EXD3: variants seen among roughly 807,000 people sequenced by gnomAD.
EXD3 encodes the protein exonuclease 3'-5' domain containing 3.
A neutral mutation model predicts 98.0 loss-of-function variants in EXD3; 92 were observed. The observed-to-expected ratio is 0.94, with a 90% confidence interval of 0.79 to 1.12. The LOEUF (loss-of-function observed/expected upper bound fraction) is 1.12. Among genes scored for constraint, EXD3 ranks in the 50% most tolerant of loss-of-function variants. The probability of loss-of-function intolerance (pLI) is 0.00; values close to 1 mark genes in which losing one functional copy is unlikely to be tolerated. For missense variants in EXD3, 1,222 were observed against 1,191.6 expected, an observed-to-expected ratio of 1.03 and a Z score of -0.38; for synonymous variants, 569 against 526.0, an observed-to-expected ratio of 1.08 and a Z score of -1.12.
chr9:137,352,035 C>T (rs747338916), intron 12 of EXD3, 31 bp downstream of exon 12: 149 of 1,586,136 alleles, frequency 9.4e-5, no homozygotes, highest in Non-Finnish European at 1.2e-4. Context: ...ATCCCACCAC[C>T]GGGCGCTGCC....
At chr9:137,330,508 G>C (rs1832997173) in intron 17 of EXD3, among the ~76,000 whole-genome samples, 1 of 144,518 alleles carries the variant, frequency 6.9e-6, no homozygotes, top group Non-Finnish European at 1.5e-5. Context: ...AGCTACACAG[G>C]ACTACGCAGG....
chr9:137,408,701 GCCT>G (rs1364182582), intron 1 of EXD3, among the ~76,000 whole-genome samples: 2 of 152,116 alleles, frequency 1.3e-5, no homozygotes, highest in Non-Finnish European at 2.9e-5. Context: ...GAGACTGGGG[GCCT>G]TTTATCTGCG....
chr9:137,422,279 A>C (rs1455194080), intron 1 of EXD3, among the ~76,000 whole-genome samples: 1 of 152,192 alleles, frequency 6.6e-6, no homozygotes, highest in Non-Finnish European at 1.5e-5. Flanking sequence ...AAAGGGGGGC[A>C]AATGAGAAAG....
At chr9:137,416,443 C>T (rs959222171) in intron 1 of EXD3, among the ~76,000 whole-genome samples, 1 of 152,220 alleles carries the variant, frequency 6.6e-6, no homozygotes, top group Non-Finnish European at 1.5e-5. Flanking sequence ...AGGGAGGGAC[C>T]GCCGGCAGCC....
chr9:137,363,752 G>A (rs1019867775), intron 7 of EXD3, among the ~76,000 whole-genome samples: 2 of 152,094 alleles, frequency 1.3e-5, no homozygotes, highest in Non-Finnish European at 2.9e-5. Context: ...TTACTTAATA[G>A]ATATATAGGA....
intron 7 of EXD3, among the ~76,000 whole-genome samples, chr9:137,364,385 G>T (rs1459231661): frequency 6.6e-6 from 1 of 152,116 alleles, no homozygotes; most frequent in African/African-American, 2.4e-5. Flanking sequence ...ACTTTGGGAG[G>T]CTGAGGTGGG....
chr9:137,337,506 C>T (rs1446111108), intron 17 of EXD3, among the ~76,000 whole-genome samples: 3 of 151,954 alleles, frequency 2.0e-5, no homozygotes, highest in Non-Finnish European at 2.9e-5. Flanking sequence ...CAAAAATTAG[C>T]CGGGTGTGGT....
At chr9:137,390,889 C>T (rs926537234) in intron 2 of EXD3, among the ~76,000 whole-genome samples, 2 of 152,224 alleles carry the variant, frequency 1.3e-5, no homozygotes, top group Non-Finnish European at 2.9e-5. Context: ...GGCCAGTGGA[C>T]GCTGAGGGCA....
chr9:137,317,353 C>G (rs542297743), intron 19 of EXD3, among the ~76,000 whole-genome samples: 1 of 152,162 alleles, frequency 6.6e-6, no homozygotes, highest in African/African-American at 2.4e-5. Flanking sequence ...CCTGGCACCC[C>G]GAGGACAGCC....
rs532947157 is a variant in EXD3 at position 137,395,709 on chromosome 9, G to A, written c.-47-305C>T. On this transcript the variant is annotated intron_variant, in intron 1 of 21. Transcript: ENST00000340951. The surrounding 1 kb of genome is among the most constrained non-coding windows in gnomAD (Gnocchi z 6.5). The stretch of plus-strand genomic sequence containing the variant: ...GACAGACCCTCGCGGGAGTGCAGAG[G>A]GGCCTGTTCTTGAGGACAGCGTGAC... Among the ~76,000 whole-genome samples, 121 of 152,270 alleles carry A rather than the reference G, an allele frequency of 7.9e-4. No individual in the cohort carries two copies. Among genetic ancestry groups the A allele is most frequent in the African/African-American group, 2.8e-3 (118 of 41,556 alleles).
chr9:137,311,560 C>G (rs1024747234), intron 19 of EXD3, among the ~76,000 whole-genome samples: 4 of 152,204 alleles, frequency 2.6e-5, no homozygotes, highest in Admixed American at 2.0e-4. Context: ...CCAGCCAGCT[C>G]GTGCTGAGTC....
Position 137,395,278 on chromosome 9 carries a change from T to A in EXD3, c.55+25A>T. 6.4e-7 allele frequency: 1 copy of A among 1,566,200 alleles called. No individual in the cohort carries two copies. Among genetic ancestry groups the A allele is most frequent in the African/African-American group, 1.4e-5 (1 of 72,050 alleles). On this transcript the variant is annotated intron_variant, in intron 2 of 21. Coordinates refer to ENST00000340951, the MANE Select transcript of EXD3 (RefSeq NM_017820.5). This position sits in a 1 kb window ranked among gnomAD's most constrained non-coding sequence, Gnocchi z 6.5. ...CCTCCCCCCACAGCCCCAGGGAGACTCGGCACCATCAGGCTCAGACTCACC... is the reference window on the plus strand; with the variant it reads ...CCTCCCCCCACAGCCCCAGGGAGACACGGCACCATCAGGCTCAGACTCACC...
At chr9:137,391,350 ATG>A (rs560776432) in intron 2 of EXD3, among the ~76,000 whole-genome samples, 1 of 152,272 alleles carries the variant, frequency 6.6e-6, no homozygotes, top group African/African-American at 2.4e-5. Context: ...TGGACGCTGG[ATG>A]TGAGGCTGGC....
intron 2 of EXD3, among the ~76,000 whole-genome samples, chr9:137,387,963 A>G (rs977060169): frequency 6.6e-6 from 1 of 152,204 alleles, no homozygotes; most frequent in Non-Finnish European, 1.5e-5. Context: ...GGACGCTGAG[A>G]CAGATGGCCC....
At position 137,379,495 on chromosome 9, in the gene EXD3, G is replaced by T. The variant is rs558185153; in HGVS notation, c.120+3818C>A. Among the ~76,000 whole-genome samples, 708 of 144,286 alleles carry T rather than the reference G, an allele frequency of 4.9e-3. 7 individuals carry two copies. The highest frequency in any genetic ancestry group is 0.017 in the African/African-American group (646 of 37,114). The allele number at this position is 144,286 out of a possible 152,430, so 94.7% of individuals were successfully genotyped here. ...AGGGGTACGGGGTTTGCGGGTGACG[G>T]TGACCGTTGCCTGGGGCCGAGGGGA... On this transcript the variant is annotated intron_variant, in intron 3 of 21. Transcript: ENST00000340951.
At chr9:137,397,695 C>T (rs1261507411) in intron 1 of EXD3, among the ~76,000 whole-genome samples, 1 of 152,016 alleles carries the variant, frequency 6.6e-6, no homozygotes, top group Non-Finnish European at 1.5e-5. Context: ...TCAAGGAGGC[C>T]GAGTGCAGTG....
chr9:137,422,112 TAAAA>T (rs35073810), intron 1 of EXD3, among the ~76,000 whole-genome samples: 6 of 119,504 alleles, frequency 5.0e-5, no homozygotes, highest in African/African-American at 9.3e-5. Context: ...GTGGTGTTCT[TAAAA>T]AAAAAAAAAA....
intron 3 of EXD3, among the ~76,000 whole-genome samples, chr9:137,382,406 G>A (rs1465555245): frequency 1.3e-5 from 2 of 151,766 alleles, no homozygotes; most frequent in Non-Finnish European, 2.9e-5. Context: ...CAGAGGGCGG[G>A]ACCCGGGGAG....
intron 5 of EXD3, 89 bp downstream of exon 5, chr9:137,372,816 C>T: frequency 7.2e-7 from 1 of 1,379,980 alleles, no homozygotes; most frequent in Non-Finnish European, 9.9e-7. Context: ...AAACAGCCCC[C>T]ACACAGAGGC....
Sources: gnomAD v4.1 joint callset for allele counts (sites outside exome capture counted in the v4.1 genomes callset) on GRCh38, gnomAD v4.1.1 for gene constraint, Gnocchi (gnomAD v3.1) non-coding constraint, MANE v1.5 for transcripts, NCBI Gene and HGNC (gene_info 2026-07-23, HGNC 2026-07-21) for gene names.